Variants in NCKAP5 observed in about 807,000 individuals in gnomAD.
The protein encoded by NCKAP5 is nck-associated protein 5.
Under a neutral mutation model 167.0 loss-of-function variants are expected in NCKAP5, and 92 were observed. The observed-to-expected ratio is 0.55, with a 90% CI of 0.47 to 0.66. The LOEUF (loss-of-function observed/expected upper bound fraction) is 0.66. Ranked by LOEUF, NCKAP5 falls within the 30% of genes least tolerant of loss-of-function variation. The pLI, the probability that NCKAP5 is intolerant of heterozygous loss-of-function variation, is 0.00. For synonymous variants in NCKAP5, 891 were observed against 877.4 expected, an observed-to-expected ratio of 1.02 and a Z score of -0.27; for missense variants, 2,378 against 2,315.0, an observed-to-expected ratio of 1.03 and a Z score of -0.56.
At chr2:133,198,054 A>T in intron 5 of NCKAP5, among the ~76,000 whole-genome samples, 1 of 152,236 alleles carries the variant, frequency 6.6e-6, no homozygotes, top group East Asian at 1.9e-4. Flanking sequence ...TAGAGAAAGC[A>T]AAGTAAAATA....
intron 11 of NCKAP5, among the ~76,000 whole-genome samples, chr2:132,804,089 C>CAAACAAAA (rs1233113673): frequency 1.3e-5 from 2 of 152,090 alleles, no homozygotes; most frequent in East Asian, 3.9e-4. Flanking sequence ...AACAAACAAA[C>CAAACAAAA]AAAATTCGGA....
chr2:132,907,066 T>G (rs1694060281), intron 8 of NCKAP5, among the ~76,000 whole-genome samples: 1 of 152,214 alleles, frequency 6.6e-6, no homozygotes, highest in African/African-American at 2.4e-5. Flanking sequence ...ATATTTTAAA[T>G]ATGCAAGAGC....
At chr2:132,983,783 G>A (rs2077207190) in intron 7 of NCKAP5, among the ~76,000 whole-genome samples, 1 of 152,160 alleles carries the variant, frequency 6.6e-6, no homozygotes, top group East Asian at 1.9e-4. Context: ...ACAAAGTCCT[G>A]TGCAGGGGGC....
At chr2:132,844,722 C>T (rs780707913) in intron 11 of NCKAP5, among the ~76,000 whole-genome samples, 5 of 152,050 alleles carry the variant, frequency 3.3e-5, no homozygotes, top group South Asian at 2.1e-4. Flanking sequence ...TATTAATTTG[C>T]TACTTGAAAA....
intron 6 of NCKAP5, among the ~76,000 whole-genome samples, chr2:133,056,084 A>G (rs561504795): frequency 2.6e-5 from 4 of 152,306 alleles, no homozygotes; most frequent in African/African-American, 7.2e-5. Context: ...GTCAGGCAGG[A>G]AAGTTATATG....
chr2:133,133,992 C>T (rs2082698507), intron 5 of NCKAP5, among the ~76,000 whole-genome samples: 1 of 152,186 alleles, frequency 6.6e-6, no homozygotes. Flanking sequence ...TCCAATGCAA[C>T]TGATATGTTG....
chr2:133,491,583 CTA>C (rs1347880631), intron 3 of NCKAP5, among the ~76,000 whole-genome samples: 4 of 152,230 alleles, frequency 2.6e-5, no homozygotes, highest in Admixed American at 1.3e-4. Flanking sequence ...TTCTGATATT[CTA>C]TATGTTAACA....
intron 2 of NCKAP5, among the ~76,000 whole-genome samples, chr2:133,520,860 C>T (rs4954061): frequency 0.36 from 54,310 of 151,976 alleles, 10,447 homozygotes; most frequent in East Asian, 0.62. Flanking sequence ...AACGTACAGT[C>T]CAATCAGGGC....
At chr2:133,396,296 T>C (rs1389763359) in intron 3 of NCKAP5, among the ~76,000 whole-genome samples, 1 of 152,128 alleles carries the variant, frequency 6.6e-6, no homozygotes, top group Non-Finnish European at 1.5e-5. Context: ...AAGGGCTTTT[T>C]AAATTTGCAG....
chr2:132,811,284 G>T (rs973489632), intron 11 of NCKAP5, among the ~76,000 whole-genome samples: 3 of 152,136 alleles, frequency 2.0e-5, no homozygotes, highest in Non-Finnish European at 4.4e-5. Flanking sequence ...AGCATCAGCT[G>T]TATTAGTGTG....
chr2:133,482,119 T>G (rs1480438630), intron 3 of NCKAP5, among the ~76,000 whole-genome samples: 1 of 152,226 alleles, frequency 6.6e-6, no homozygotes, highest in Non-Finnish European at 1.5e-5. Context: ...GATAATAACT[T>G]TCAGTTCTCA....
rs1461805655 is a variant in NCKAP5 at position 133,411,083 on chromosome 2, G to T, written c.69+106375C>A. 3.9e-5 allele frequency among the ~76,000 whole-genome samples: 6 copies of T among 152,206 alleles called. No homozygotes were observed. In the East Asian group the frequency reaches 5.8e-4, roughly 15 times the overall value. ...TAACTAGCTGTGGGGCCTTGGAAAA[G>T]TTTCCTATACTTCTGTTAGCCTTGT... is the stretch of plus-strand genomic sequence containing the variant. On this transcript the variant is annotated intron_variant, in intron 3 of 19. Coordinates refer to ENST00000409261, the MANE Select transcript of NCKAP5 (RefSeq NM_207363.3).
chr2:133,127,742 A>G (rs895091256), intron 6 of NCKAP5, among the ~76,000 whole-genome samples: 1 of 152,214 alleles, frequency 6.6e-6, no homozygotes, highest in African/African-American at 2.4e-5. Context: ...ATTACCAAGC[A>G]GTGCTTGTTT....
Position 132,783,065 on chromosome 2 carries a change from C to T in NCKAP5, c.3746G>A (p.Arg1249Lys). 6.2e-7 allele frequency: 1 copy of T among 1,613,838 alleles called. No homozygotes were observed. Among genetic ancestry groups the T allele is most frequent in the Non-Finnish European group, 8.5e-7 (1 of 1,179,854 alleles). The change falls in exon 14 of 20, where the codon AGA (arginine) becomes AAA (lysine). Residue 1249 changes from arginine to lysine, a missense_variant. Around this residue, in one of 3 missense-constraint regions of NCKAP5, gnomAD observed 1,325 missense variants for 1,274.5 expected, o/e 1.04. Transcript: ENST00000409261. ...GSDGRDGVDN[R>K]SMRRSLSSSK... Reference sequence around the variant, plus strand: ...GGAGGAAAGGGATCTTCTCATGGATCTATTATCTACCCCATCCCTTCCATC... The same window carrying T: ...GGAGGAAAGGGATCTTCTCATGGATTTATTATCTACCCCATCCCTTCCATC...
intron 9 of NCKAP5, among the ~76,000 whole-genome samples, chr2:132,870,875 G>C (rs1217431571): frequency 1.3e-5 from 2 of 151,652 alleles, no homozygotes; most frequent in Non-Finnish European, 2.9e-5. Context: ...CTTTTGATTA[G>C]AAGGCAATCA....
At chr2:133,605,403 A>G in the NCKAP5 span, among the ~76,000 whole-genome samples, 1 of 152,106 alleles carries the variant, frequency 6.6e-6, no homozygotes, top group Admixed American at 6.5e-5. Context: ...TGATTCTGAC[A>G]ACCGAGGCTG....
chr2:133,046,510 C>A (rs2079405181), intron 6 of NCKAP5, among the ~76,000 whole-genome samples: 1 of 152,086 alleles, frequency 6.6e-6, no homozygotes, highest in African/African-American at 2.4e-5. Flanking sequence ...TTCCAAGTAG[C>A]TGGGACTACA....
At chr2:132,918,492 T>A (rs1574625356) in intron 8 of NCKAP5, among the ~76,000 whole-genome samples, 5 of 152,026 alleles carry the variant, frequency 3.3e-5, no homozygotes, top group African/African-American at 7.3e-5. Flanking sequence ...AATTTTTTTT[T>A]ATAGCCAGTA....
chr2:133,261,293 C>T (rs2088894046), intron 4 of NCKAP5, among the ~76,000 whole-genome samples: 1 of 152,186 alleles, frequency 6.6e-6, no homozygotes, highest in African/African-American at 2.4e-5. Flanking sequence ...GCAAAAACCA[C>T]CCAAGGTAGG....
Sources: gnomAD v4.1 joint callset for allele counts (sites outside exome capture counted in the v4.1 genomes callset) on GRCh38, gnomAD v4.1.1 for gene constraint, gnomAD v4.1.1 regional missense constraint, MANE v1.5 for transcripts, NCBI Gene and HGNC (gene_info 2026-07-23, HGNC 2026-07-21) for gene names.